Variants in NCAPG2 observed in about 807,000 individuals in gnomAD.
NCAPG2 encodes non-SMC condensin II complex subunit G2, also known as condensin-2 complex subunit G2.
In NCAPG2, 53 loss-of-function variants were observed where a neutral mutation model predicts 141.1. That is an observed-to-expected ratio of 0.38 (90% CI 0.30 to 0.47). The LOEUF is 0.47. Among genes scored for constraint, NCAPG2 ranks in the 20% least tolerant of loss-of-function variants. The probability of loss-of-function intolerance (pLI) is 0.99; values close to 1 mark genes in which losing one functional copy is unlikely to be tolerated. For missense variants in NCAPG2, 1,087 were observed against 1,389.0 expected, an observed-to-expected ratio of 0.78 and a Z score of 3.46; for synonymous variants, 499 against 490.7, an observed-to-expected ratio of 1.02 and a Z score of -0.22.
chr7:158,689,697 G>A, intron 6 of NCAPG2, 122 bp downstream of exon 6: 2 of 861,052 alleles, frequency 2.3e-6, no homozygotes, highest in East Asian at 3.0e-5. Context: ...ATCATGTGCA[G>A]TAAATAGCTC....
At chr7:158,700,690 C>T (rs1395262097) in intron 2 of NCAPG2, among the ~76,000 whole-genome samples, 4 of 152,164 alleles carry the variant, frequency 2.6e-5, no homozygotes, top group Non-Finnish European at 5.9e-5. Context: ...AAGCTCATTT[C>T]TCTTATAAAG....
intron 1 of NCAPG2, among the ~76,000 whole-genome samples, chr7:158,703,063 T>C (rs1472303360): frequency 6.6e-6 from 1 of 152,236 alleles, no homozygotes; most frequent in Non-Finnish European, 1.5e-5. Flanking sequence ...AGTAACATTC[T>C]AGGAGCAGTA....
chr7:158,646,393 G>T, intron 25 of NCAPG2, 67 bp downstream of exon 25: 1 of 1,178,822 alleles, frequency 8.5e-7, no homozygotes, highest in Non-Finnish European at 1.2e-6. Context: ...AAAAGGAATA[G>T]AACAAAAGCT....
intron 27 of NCAPG2, among the ~76,000 whole-genome samples, chr7:158,631,982 T>C (rs1462144902): frequency 2.0e-5 from 3 of 152,088 alleles, no homozygotes; most frequent in East Asian, 3.9e-4. Context: ...ACGTGCTCAC[T>C]GGGCAGTGTG....
chr7:158,653,387 A>ATAATAAT (rs1554553515), intron 22 of NCAPG2, among the ~76,000 whole-genome samples: 37 of 146,092 alleles, frequency 2.5e-4, no homozygotes, highest in Non-Finnish European at 2.7e-4. Flanking sequence ...ATAAAAAAAA[A>ATAATAAT]AATAATAATA....
At chr7:158,636,468 C>G (rs964076565) in intron 27 of NCAPG2, among the ~76,000 whole-genome samples, 1 of 144,774 alleles carries the variant, frequency 6.9e-6, no homozygotes, top group Non-Finnish European at 1.5e-5. Context: ...ATGGCTCGAT[C>G]TGGGCTCACC....
intron 12 of NCAPG2, among the ~76,000 whole-genome samples, chr7:158,672,907 C>G (rs1833837462): frequency 6.6e-6 from 1 of 152,216 alleles, no homozygotes; most frequent in Non-Finnish European, 1.5e-5. Context: ...TCTGTAGATT[C>G]TCTGCTGACT....
intron 27 of NCAPG2, 74 bp from the exon 28 acceptor site, chr7:158,631,791 T>C (rs1829906926): frequency 8.2e-7 from 1 of 1,224,030 alleles, no homozygotes; most frequent in African/African-American, 1.5e-5. Flanking sequence ...TTTTCAAAAA[T>C]ATAATCTAAA....
chr7:158,702,765 T>C (rs1246740974), intron 1 of NCAPG2, among the ~76,000 whole-genome samples: 1 of 152,170 alleles, frequency 6.6e-6, no homozygotes, highest in Non-Finnish European at 1.5e-5. Context: ...AAACATATAA[T>C]ACTAGATTTT....
At chr7:158,689,280 C>T (rs1360260441) in intron 6 of NCAPG2, among the ~76,000 whole-genome samples, 3 of 152,066 alleles carry the variant, frequency 2.0e-5, no homozygotes, top group African/African-American at 7.2e-5. Flanking sequence ...TCATTTCTTT[C>T]CCACTAAATC....
intron 11 of NCAPG2, 67 bp from the exon 12 acceptor site, chr7:158,675,723 C>T: frequency 6.7e-7 from 1 of 1,488,974 alleles, no homozygotes; most frequent in Admixed American, 2.1e-5. Context: ...ATCTGCTTCA[C>T]ACGTGAGCAC....
At chr7:158,645,489 T>C in intron 26 of NCAPG2, 30 bp downstream of exon 26, 1 of 1,597,090 alleles carries the variant, frequency 6.3e-7, no homozygotes, top group Non-Finnish European at 8.6e-7. Context: ...ACCAGCCACC[T>C]TCCAGATGAC....
At chr7:158,647,615 C>T (rs1339137003) in intron 24 of NCAPG2, among the ~76,000 whole-genome samples, 1 of 152,114 alleles carries the variant, frequency 6.6e-6, no homozygotes, top group African/African-American at 2.4e-5. Flanking sequence ...CCTATCCTAC[C>T]CCTGTATCTC....
rs148196419 is a variant in NCAPG2, at chr7:158,694,270, T to C, written c.79-773A>G. ...TAATAAATATCAAATCATTAATTAATAGCACCTGCATGCTCTAGAATGTCA... is the reference window on the plus strand; with the variant it reads ...TAATAAATATCAAATCATTAATTAACAGCACCTGCATGCTCTAGAATGTCA... On this transcript the variant is annotated intron_variant, in intron 2 of 27. Transcript: ENST00000356309. Among the ~76,000 whole-genome samples, 61 of 152,290 alleles carry C rather than the reference T, an allele frequency of 4.0e-4. No homozygotes were observed. In the Middle Eastern group the frequency reaches 0.014, roughly 34 times the overall value.
At chr7:158,637,511 C>T (rs149833932) in intron 27 of NCAPG2, among the ~76,000 whole-genome samples, 3 of 152,268 alleles carry the variant, frequency 2.0e-5, no homozygotes, top group Non-Finnish European at 2.9e-5. Context: ...CCCACAAGCC[C>T]CCACCCCATC....
At chr7:158,643,493 T>C (rs537492378) in intron 27 of NCAPG2, among the ~76,000 whole-genome samples, 1 of 152,360 alleles carries the variant, frequency 6.6e-6, no homozygotes, top group Admixed American at 6.5e-5. Flanking sequence ...CCAAATTTTC[T>C]AGTGAAGTGA....
chr7:158,644,315 A>G lies in NCAPG2; in HGVS notation c.3354T>C (p.Ile1118=). The G allele has an allele frequency of 6.2e-7, 1 of 1,613,456 alleles. No individual in the cohort carries two copies. ...VHRKLKTFME[I]TLEEDSIERF... Reference sequence around the variant, plus strand: ...TTTCAATGCTATCCTCTTCCAAAGTAATTTCCATGAATGTCTTTAGTTTTC... The same window carrying G: ...TTTCAATGCTATCCTCTTCCAAAGTGATTTCCATGAATGTCTTTAGTTTTC... Residue 1118 remains isoleucine, a synonymous_variant, in exon 27 of 28, where the codon ATT becomes ATC. Coordinates refer to ENST00000356309, the MANE Select transcript of NCAPG2 (RefSeq NM_017760.7).
At position 158,677,525 on chromosome 7, in the gene NCAPG2, C is replaced by CAAAAAAAAAAAAAAAAAAAAAAAAACAAA; in HGVS notation, c.1147-1870_1147-1869insTTTGTTTTTTTTTTTTTTTTTTTTTTTTT. The stretch of plus-strand genomic sequence containing the variant: ...AGAAAAAAAGATGATAAAAATAAAG[C>CAAAAAAAAAAAAAAAAAAAAAAAAACAAA]AAAAAAAAAAAAAAAAAAAAAAACA... On this transcript the variant is annotated intron_variant, in intron 11 of 27. Transcript: ENST00000356309. 1.3e-4 allele frequency among the ~76,000 whole-genome samples: 12 copies of CAAAAAAAAAAAAAAAAAAAAAAAAACAAA among 90,402 alleles called. 1 individual carries two copies. Among genetic ancestry groups the CAAAAAAAAAAAAAAAAAAAAAAAAACAAA allele is most frequent in the Non-Finnish European group, 2.1e-4 (10 of 46,728 alleles). 59.3% of individuals were successfully genotyped at this position (90,402 alleles called of 152,430 possible).
intron 27 of NCAPG2, among the ~76,000 whole-genome samples, chr7:158,638,951 T>A (rs1830464010): frequency 6.6e-6 from 1 of 152,154 alleles, no homozygotes; most frequent in Non-Finnish European, 1.5e-5. Flanking sequence ...AAAGCCACAG[T>A]AAACATAAAC....
Sources: gnomAD v4.1 joint callset for allele counts (sites outside exome capture counted in the v4.1 genomes callset) on GRCh38, gnomAD v4.1.1 for gene constraint, MANE v1.5 for transcripts, NCBI Gene and HGNC (gene_info 2026-07-23, HGNC 2026-07-21) for gene names.